Variants in ZNF469 observed in about 807,000 individuals in gnomAD.
ZNF469 encodes zinc finger protein 469.
Under a neutral mutation model 1.0 loss-of-function variants are expected in ZNF469, and 1 was observed. That is an observed-to-expected ratio of 1.00 (90% confidence interval 0.35 to 4.73). The LOEUF (loss-of-function observed/expected upper bound fraction) is 4.73, where lower values mean the gene tolerates loss of function less well. Ranked by LOEUF, ZNF469 falls within the 30% of genes most tolerant of loss-of-function variation. ZNF469 has a pLI of 0.16. For synonymous variants in ZNF469, 2,703 were observed against 2,363.4 expected, an observed-to-expected ratio of 1.14 and a Z score of -4.17; for missense variants, 6,100 against 5,356.3, an observed-to-expected ratio of 1.14 and a Z score of -4.33.
chr16:88,144,266 G>A, the ZNF469 span, among the ~76,000 whole-genome samples: 4 of 152,330 alleles, frequency 2.6e-5, no homozygotes, highest in South Asian at 6.2e-4. Flanking sequence ...TCCCTACTAC[G>A]TCTGTTTGTT....
chr16:88,437,440 C>G lies in ZNF469; in HGVS notation c.9970C>G (p.Gln3324Glu), dbSNP rs948307674. ...DPWAGGEPLL[Q>E]ATPVHEACKD... ...CTGGGCCGGCGGGGAGCCCCTCCTG[C>G]AAGCCACCCCGGTGCACGAGGCCTG... Residue 3324 changes from glutamine (Q) to glutamate (E), a missense_variant, in exon 3 of 3, where the codon CAA becomes GAA. Gln to Glu is a conservative substitution (Grantham distance 29). Coordinates refer to ENST00000565624, the MANE Select transcript of ZNF469 (RefSeq NM_001367624.2). The G allele has an allele frequency of 9.2e-6, 14 of 1,522,986 alleles. No individual in the cohort carries two copies. The highest frequency in any genetic ancestry group is 1.1e-5 in the Non-Finnish European group (12 of 1,131,306). The allele number at this position is 1,522,986 out of a possible 1,614,324, so 94.3% of individuals were successfully genotyped here. A position where few individuals can be genotyped will look rare whatever the true frequency, so the allele number is the denominator to read the frequency against.
intron 1 of ZNF469, among the ~76,000 whole-genome samples, chr16:88,394,484 C>T (rs945132057): frequency 6.6e-6 from 1 of 152,234 alleles, no homozygotes; most frequent in African/African-American, 2.4e-5. Context: ...AAGCATTTCA[C>T]GTTCTGTTGG....
the ZNF469 span, among the ~76,000 whole-genome samples, chr16:88,313,376 G>A: frequency 6.6e-6 from 1 of 152,144 alleles, no homozygotes; most frequent in Admixed American, 6.5e-5. Context: ...TTTATACCTT[G>A]TAATTCTTTC....
the ZNF469 span, among the ~76,000 whole-genome samples, chr16:88,126,364 C>T: frequency 1.3e-5 from 2 of 151,668 alleles, no homozygotes; most frequent in Non-Finnish European, 2.9e-5. Context: ...TGTGTGGAGA[C>T]ATCCTGGCCT....
chr16:88,292,969 G>C, the ZNF469 span, among the ~76,000 whole-genome samples: 17 of 152,266 alleles, frequency 1.1e-4, no homozygotes, highest in African/African-American at 4.1e-4. Context: ...GAGGCCCTGG[G>C]GTCTTCCTCA....
At chr16:88,241,339 G>T in the ZNF469 span, among the ~76,000 whole-genome samples, 1 of 149,218 alleles carries the variant, frequency 6.7e-6, no homozygotes, top group Non-Finnish European at 1.5e-5. The surrounding 1 kb of genome is among the most constrained non-coding windows in gnomAD (Gnocchi z 4.8). Flanking sequence ...AGCCTGGGCG[G>T]CAGGGTGAGA....
At chr16:88,425,482 G>A (rs949940477) in intron 2 of ZNF469, among the ~76,000 whole-genome samples, 2 of 150,282 alleles carry the variant, frequency 1.3e-5, no homozygotes, top group Non-Finnish European at 2.9e-5. Context: ...GAGATGTGCA[G>A]GGCAGGAGAT....
At chr16:88,363,517 G>A in the ZNF469 span, among the ~76,000 whole-genome samples, 13 of 152,196 alleles carry the variant, frequency 8.5e-5, no homozygotes, top group African/African-American at 2.9e-4. Flanking sequence ...GTGTGGCTTG[G>A]GGGAGTCAGC....
chr16:88,263,919 A>G, the ZNF469 span, among the ~76,000 whole-genome samples: 1 of 151,952 alleles, frequency 6.6e-6, no homozygotes, highest in East Asian at 1.9e-4. Flanking sequence ...CTGCGTGGCC[A>G]TGAGACCCCA....
chr16:88,123,180 C>A, the ZNF469 span, among the ~76,000 whole-genome samples: 2 of 152,192 alleles, frequency 1.3e-5, no homozygotes, highest in Non-Finnish European at 2.9e-5. Flanking sequence ...TGCTCCACCC[C>A]TTGTATGCCC....
chr16:88,128,368 T>C, the ZNF469 span, among the ~76,000 whole-genome samples: 1 of 152,112 alleles, frequency 6.6e-6, no homozygotes, highest in Non-Finnish European at 1.5e-5. Flanking sequence ...TTCCATGATA[T>C]AGCATATTTT....
At chr16:88,218,774 T>G in the ZNF469 span, among the ~76,000 whole-genome samples, 2 of 151,768 alleles carry the variant, frequency 1.3e-5, no homozygotes, top group Non-Finnish European at 2.9e-5. Flanking sequence ...CCAGGGCAAT[T>G]AGGCAGGAGA....
Position 88,435,236 on chromosome 16 carries a change from C to A in ZNF469, c.7766C>A (p.Ala2589Asp). The A allele has an allele frequency of 6.4e-7, 1 of 1,550,404 alleles. No individual in the cohort carries two copies. Among genetic ancestry groups the A allele is most frequent in the Non-Finnish European group, 8.7e-7 (1 of 1,146,996 alleles). Residue 2589 changes from alanine to aspartate, a missense_variant, in exon 3 of 3, where the codon GCC (alanine) becomes GAC (aspartate). Transcript: ENST00000565624. ...CATGAGGTAGATGTGAAGACTCCGG[C>A]CTCCAAGCCCAGACCAGACCAGGCC... Reference protein sequence around the residue: ...TEHEVDVKTPASKPRPDQARE... With the variant: ...TEHEVDVKTPDSKPRPDQARE...
chr16:88,283,086 G>A, the ZNF469 span, among the ~76,000 whole-genome samples: 5 of 152,118 alleles, frequency 3.3e-5, no homozygotes, highest in Non-Finnish European at 7.3e-5. Context: ...TTCAAGACCC[G>A]GCTGCACAAA....
the ZNF469 span, among the ~76,000 whole-genome samples, chr16:88,223,270 C>T: frequency 6.6e-6 from 1 of 152,216 alleles, no homozygotes; most frequent in Non-Finnish European, 1.5e-5. Context: ...AAGTCTCATG[C>T]GATCTGCGGG....
the ZNF469 span, among the ~76,000 whole-genome samples, chr16:88,247,368 A>G: frequency 9.1e-4 from 81 of 88,864 alleles, 1 homozygote; most frequent in East Asian, 7.0e-3. Flanking sequence ...GAGTGAATGA[A>G]TGAGTGAGTG....
the ZNF469 span, among the ~76,000 whole-genome samples, chr16:88,344,304 G>A: frequency 2.0e-5 from 3 of 152,268 alleles, no homozygotes; most frequent in African/African-American, 4.8e-5. Context: ...TCATACCAAC[G>A]TGTCGATGCT....
At chr16:88,223,983 G>T in the ZNF469 span, among the ~76,000 whole-genome samples, 1 of 152,196 alleles carries the variant, frequency 6.6e-6, no homozygotes, top group Non-Finnish European at 1.5e-5. Context: ...ATTTTTATTA[G>T]TTTTCCATTC....
the ZNF469 span, among the ~76,000 whole-genome samples, chr16:88,197,500 C>T: frequency 0.23 from 35,670 of 152,198 alleles, 4,685 homozygotes; most frequent in Middle Eastern, 0.31. Context: ...GGAATGTGGG[C>T]CAAGGAATTG....
Sources: allele counts gnomAD v4.1 joint callset (sites outside exome capture counted in the v4.1 genomes callset), GRCh38; gene constraint gnomAD v4.1.1; non-coding constraint Gnocchi (gnomAD v3.1); transcripts MANE v1.5; gene names NCBI Gene and HGNC (gene_info 2026-07-23, HGNC 2026-07-21).